PRKCE: variants seen among roughly 807,000 people sequenced by gnomAD.
PRKCE encodes protein kinase C epsilon.
Under a neutral mutation model 85.4 loss-of-function variants are expected in PRKCE, and 16 were observed. The observed-to-expected ratio is 0.19, with a 90% CI of 0.13 to 0.28. The LOEUF (loss-of-function observed/expected upper bound fraction) is 0.28. Ranked by LOEUF, PRKCE falls within the 10% of genes least tolerant of loss-of-function variation. The pLI is 1.00. For missense variants in PRKCE, 573 were observed against 975.2 expected (o/e 0.59, Z 5.49); for synonymous variants, 388 against 371.5 (o/e 1.04, Z -0.51).
At chr2:45,903,306 G>A (rs555533059) in intron 2 of PRKCE, among the ~76,000 whole-genome samples, 2 of 152,138 alleles carry the variant, frequency 1.3e-5, no homozygotes. Flanking sequence ...CATAACACAG[G>A]CTTTAAAAAA....
At chr2:45,914,803 G>A in intron 2 of PRKCE, among the ~76,000 whole-genome samples, 1 of 152,170 alleles carries the variant, frequency 6.6e-6, no homozygotes, top group Non-Finnish European at 1.5e-5. Flanking sequence ...TAGCTATGTA[G>A]GAGCACTCAG....
chr2:46,119,817 T>A (rs1411246445), intron 11 of PRKCE, among the ~76,000 whole-genome samples: 1 of 152,240 alleles, frequency 6.6e-6, no homozygotes, highest in East Asian at 1.9e-4. Context: ...TCACTACTTA[T>A]ATCTTAATTT....
intron 1 of PRKCE, among the ~76,000 whole-genome samples, chr2:45,713,509 A>T (rs1186471416): frequency 6.6e-6 from 1 of 152,188 alleles, no homozygotes; most frequent in African/African-American, 2.4e-5. Context: ...TAAGAAACTC[A>T]GTATATGAAC....
intron 1 of PRKCE, among the ~76,000 whole-genome samples, chr2:45,728,778 T>C (rs1384490515): frequency 6.6e-6 from 1 of 152,226 alleles, no homozygotes; most frequent in East Asian, 1.9e-4. Context: ...GTGCTTTTCA[T>C]GCATCATGTC....
At chr2:46,152,420 G>T (rs1676735373) in intron 13 of PRKCE, among the ~76,000 whole-genome samples, 1 of 151,534 alleles carries the variant, frequency 6.6e-6, no homozygotes, top group Non-Finnish European at 1.5e-5. Flanking sequence ...GACCTCAGGT[G>T]ATCCGCCCAC....
At chr2:45,838,231 G>A (rs1214423021) in intron 1 of PRKCE, among the ~76,000 whole-genome samples, 1 of 152,202 alleles carries the variant, frequency 6.6e-6, no homozygotes, top group African/African-American at 2.4e-5. Flanking sequence ...GAAGGAAGGA[G>A]ACTGCACCTC....
chr2:46,012,085 A>G (rs995517602), intron 10 of PRKCE, among the ~76,000 whole-genome samples: 1 of 152,174 alleles, frequency 6.6e-6, no homozygotes, highest in Non-Finnish European at 1.5e-5. Flanking sequence ...CAGAATCCTG[A>G]ATAATAGAGA....
intron 2 of PRKCE, among the ~76,000 whole-genome samples, chr2:45,891,824 T>G (rs1695744093): frequency 6.6e-6 from 1 of 152,236 alleles, no homozygotes; most frequent in African/African-American, 2.4e-5. Context: ...CTTGCTTTTC[T>G]ATTCCCATAG....
intron 10 of PRKCE, among the ~76,000 whole-genome samples, chr2:46,022,050 G>A (rs1706716679): frequency 6.6e-6 from 1 of 152,170 alleles, no homozygotes; most frequent in African/African-American, 2.4e-5. Context: ...CTAATGCTCT[G>A]ATTTTGAAGA....
At chr2:45,655,866 A>AAAAAAAG (rs1489887244) in intron 1 of PRKCE, among the ~76,000 whole-genome samples, 3 of 151,292 alleles carry the variant, frequency 2.0e-5, no homozygotes, top group African/African-American at 7.3e-5. Context: ...AAAAAAAAAA[A>AAAAAAAG]AAAAAGGTAG....
intron 1 of PRKCE, among the ~76,000 whole-genome samples, chr2:45,820,755 T>A (rs1689463480): frequency 6.6e-6 from 1 of 152,176 alleles, no homozygotes; most frequent in South Asian, 2.1e-4. Context: ...ACTTTCTGTT[T>A]GGTGCATGGT....
intron 1 of PRKCE, among the ~76,000 whole-genome samples, chr2:45,698,549 T>G (rs1678344549): frequency 6.7e-6 from 1 of 150,136 alleles, no homozygotes; most frequent in South Asian, 2.1e-4. Flanking sequence ...CAACAGCTGT[T>G]GCAAACAACA....
chr2:45,972,603 A>G (rs1186048109), intron 2 of PRKCE, among the ~76,000 whole-genome samples: 2 of 152,214 alleles, frequency 1.3e-5, no homozygotes, highest in African/African-American at 4.8e-5. Context: ...CAGTGTTTAC[A>G]TTTAAGTATT....
intron 1 of PRKCE, among the ~76,000 whole-genome samples, chr2:45,792,473 C>A (rs936947025): frequency 6.6e-6 from 1 of 151,792 alleles, no homozygotes; most frequent in African/African-American, 2.4e-5. Context: ...ATCCCTACCC[C>A]AAACACAAAG....
At chr2:45,837,367 C>G (rs1297290793) in intron 1 of PRKCE, among the ~76,000 whole-genome samples, 1 of 152,350 alleles carries the variant, frequency 6.6e-6, no homozygotes, top group Admixed American at 6.5e-5. Flanking sequence ...AGCGATTCTC[C>G]TGCCTCAGTC....
chr2:45,680,827 ATTAGAGAGTTGTC>A (rs1676828915), intron 1 of PRKCE, among the ~76,000 whole-genome samples: 1 of 152,230 alleles, frequency 6.6e-6, no homozygotes, highest in African/African-American at 2.4e-5. Context: ...ATGTAAAACA[ATTAGAGAGTTGTC>A]TTAGGTACCC....
rs1177732948 is a variant in PRKCE, at chr2:45,652,540, A to G, written c.348+92A>G. ...TCTTGATCGTAGGGCTCCGGGACTT[A>G]TTGACGACTGGGGTGTGTGTGCCTG... is the stretch of plus-strand genomic sequence containing the variant. On this transcript the variant is annotated intron_variant, in intron 1 of 14. Coordinates refer to ENST00000306156, the MANE Select transcript of PRKCE (RefSeq NM_005400.3). The surrounding 1 kb of genome is among the most constrained non-coding windows in gnomAD (Gnocchi z 7.7). 1.1e-5 allele frequency: 14 copies of G among 1,218,334 alleles called. No individual in the cohort carries two copies. The highest frequency in any genetic ancestry group is 1.6e-5 in the Non-Finnish European group (14 of 890,854). 75.5% of individuals were successfully genotyped at this position (1,218,334 alleles called of 1,614,324 possible). A position where few individuals can be genotyped will look rare whatever the true frequency, so the allele number is the denominator to read the frequency against.
Position 45,652,523 on chromosome 2 carries a change from G to A in PRKCE, c.348+75G>A, listed in dbSNP as rs1339004924. The A allele has an allele frequency of 4.4e-6, 6 of 1,369,562 alleles. No homozygotes were observed. The highest frequency in any genetic ancestry group is 5.9e-6 in the Non-Finnish European group (6 of 1,017,862). 84.8% of individuals were successfully genotyped at this position (1,369,562 alleles called of 1,614,324 possible). A position where few individuals can be genotyped will look rare whatever the true frequency, so the allele number is the denominator to read the frequency against. ...GGGGAAAGACTCGCTGGTCTTGATC[G>A]TAGGGCTCCGGGACTTATTGACGAC... On this transcript the variant is annotated intron_variant, in intron 1 of 14. Coordinates refer to ENST00000306156, the MANE Select transcript of PRKCE (RefSeq NM_005400.3). The surrounding 1 kb of genome is among the most constrained non-coding windows in gnomAD (Gnocchi z 7.7).
At chr2:46,109,685 C>A (rs1456142581) in intron 11 of PRKCE, among the ~76,000 whole-genome samples, 5 of 151,980 alleles carry the variant, frequency 3.3e-5, no homozygotes, top group African/African-American at 1.2e-4. Flanking sequence ...AATCTGCACA[C>A]CTTTTATTTT....
Sources: gnomAD v4.1 joint callset for allele counts (sites outside exome capture counted in the v4.1 genomes callset) on GRCh38, gnomAD v4.1.1 for gene constraint, Gnocchi (gnomAD v3.1) non-coding constraint, MANE v1.5 for transcripts, NCBI Gene and HGNC (gene_info 2026-07-23, HGNC 2026-07-21) for gene names.